Variants in CELSR1 observed in about 807,000 individuals in gnomAD.
CELSR1 encodes adhesion G protein-coupled receptor C1.
Under a neutral mutation model 249.1 loss-of-function variants are expected in CELSR1, and 110 were observed. The observed-to-expected ratio is 0.44, with a 90% CI of 0.38 to 0.52. CELSR1 has a LOEUF of 0.52. Ranked by LOEUF, CELSR1 falls within the 20% of genes least tolerant of loss-of-function variation. The pLI is 0.00. For missense variants in CELSR1, 4,109 were observed against 4,296.4 expected, an observed-to-expected ratio of 0.96 and a Z score of 1.22; for synonymous variants, 2,113 against 1,900.0, an observed-to-expected ratio of 1.11 and a Z score of -2.92.
In CELSR1 at chr22:46,535,697, C is replaced by A. The variant is rs752147314; in HGVS notation, c.1474G>T (p.Ala492Ser). ...QATDRDQGQN[A>S]AIHYSILSGN... is the part of the protein sequence containing the mutation. ...CTGAGGATGCTGTAGTGAATGGCCG[C>A]GTTCTGGCCCTGGTCCCGGTCCGTG... is the stretch of plus-strand genomic sequence containing the variant. Residue 492 changes from alanine to serine, a missense_variant, in exon 1 of 35, where the codon GCG becomes TCG. Ala to Ser is a moderately conservative substitution (Grantham distance 99). This residue lies in a region of CELSR1 where 135 missense variants were observed against 190.0 expected (regional missense o/e 0.71). Coordinates refer to ENST00000674500, the MANE Select transcript of CELSR1 (RefSeq NM_001378328.1). The A allele has an allele frequency of 1.2e-6, 2 of 1,612,878 alleles. No individual in the cohort carries two copies. The highest frequency in any genetic ancestry group is 1.7e-5 in the Admixed American group (1 of 60,002).
rs1301985475 is a variant in CELSR1, at chr22:46,365,692, A to G, written c.8301-3T>C. ...CGAGCTTCTGGATCCCTTCATCCCTAGAGAGGCCAGGGAGGGTGGGCTCAG... is the reference window on the plus strand; with the variant it reads ...CGAGCTTCTGGATCCCTTCATCCCTGGAGAGGCCAGGGAGGGTGGGCTCAG... On this transcript the variant is annotated splice_polypyrimidine_tract_variant and splice_region_variant and intron_variant, in intron 30 of 34. Transcript: ENST00000674500. The G allele has an allele frequency of 6.4e-7, 1 of 1,567,112 alleles. No homozygotes were observed. Among genetic ancestry groups the G allele is most frequent in the Non-Finnish European group, 8.7e-7 (1 of 1,155,448 alleles).
intron 1 of CELSR1, 79 bp downstream of exon 1, chr22:46,533,548 G>A: frequency 6.7e-7 from 1 of 1,494,240 alleles, no homozygotes; most frequent in Non-Finnish European, 8.9e-7. Flanking sequence ...CGGCATGCCA[G>A]GCGGAGCCCT....
At chr22:46,394,393 T>A in intron 13 of CELSR1, 131 bp from the exon 14 acceptor site, 1 of 1,063,346 alleles carries the variant, frequency 9.4e-7, no homozygotes, top group Non-Finnish European at 1.3e-6. Context: ...GAGCTTCCCC[T>A]TCCACGTTAC....
chr22:46,434,109 A>T lies in CELSR1; in HGVS notation c.4523-628T>A, dbSNP rs1569159571. 6.6e-6 allele frequency among the ~76,000 whole-genome samples: 1 copy of T among 152,244 alleles called. No homozygotes were observed. Among genetic ancestry groups the T allele is most frequent in the Non-Finnish European group, 1.5e-5 (1 of 68,036 alleles). On this transcript the variant is annotated intron_variant, in intron 4 of 34. Transcript: ENST00000674500. The surrounding 1 kb of genome is among the most constrained non-coding windows in gnomAD (Gnocchi z 4.9). ...CCTATGCATTGCATCAACGTAGACA[A>T]AATCATCAAAACCAATTCCACTTTA...
In CELSR1 at chr22:46,373,042, C is replaced by T; in HGVS notation, c.7600G>A (p.Val2534Ile). 1 of 1,608,130 alleles carries T rather than the reference C, an allele frequency of 6.2e-7. No individual in the cohort carries two copies. The highest frequency in any genetic ancestry group is 1.1e-5 in the South Asian group (1 of 90,314). Reference sequence around the variant, plus strand: ...TAGATGTAGTGGAGGAGGATGGCAACCACTGTGCACAGAAACTGCGCAGGG... The same window carrying T: ...TAGATGTAGTGGAGGAGGATGGCAATCACTGTGCACAGAAACTGCGCAGGG... ...QTENPFLCTV[V>I]AILLHYIYMS... Residue 2534 changes from valine (V) to isoleucine (I), a missense_variant, in exon 25 of 35, where the codon GTT becomes ATT. Coordinates refer to ENST00000674500, the MANE Select transcript of CELSR1 (RefSeq NM_001378328.1).
intron 30 of CELSR1, 30 bp from the exon 31 acceptor site, chr22:46,365,719 A>G (rs777620430): frequency 1.8e-5 from 27 of 1,522,002 alleles, no homozygotes; most frequent in Non-Finnish European, 2.3e-5. Context: ...TGGGCTCAGT[A>G]TCATCCGTCA....
At position 46,396,149 on chromosome 22, in the gene CELSR1, G is replaced by A. The variant is rs1287686970; in HGVS notation, c.5843+456C>T. On this transcript the variant is annotated intron_variant, in intron 13 of 34. Transcript: ENST00000674500. The surrounding 1 kb of genome is among the most constrained non-coding windows in gnomAD (Gnocchi z 6.4). Reference sequence around the variant, plus strand: ...TGCCCAAGCGTGGTGGCTCACACCCGTAATCCCAGCACTTTGGGAGGCTGA... The same window carrying A: ...TGCCCAAGCGTGGTGGCTCACACCCATAATCCCAGCACTTTGGGAGGCTGA... 1.3e-5 allele frequency among the ~76,000 whole-genome samples: 2 copies of A among 152,148 alleles called. No homozygotes were observed. The highest frequency in any genetic ancestry group is 2.4e-5 in the African/African-American group (1 of 41,426).
intron 2 of CELSR1, among the ~76,000 whole-genome samples, chr22:46,460,205 A>ACACACC (rs1555922649): frequency 7.4e-6 from 1 of 134,478 alleles, no homozygotes; most frequent in Non-Finnish European, 1.6e-5. Context: ...ACACACACAC[A>ACACACC]CACACACACA....
At position 46,441,638 on chromosome 22, in the gene CELSR1, G is replaced by A. The variant is rs1183679100; in HGVS notation, c.4184-2227C>T. Reference sequence around the variant, plus strand: ...GTGCCTTCTTGCCGCATAAGGGAGAGGGCTGTGGTCTCTTCCTCTCCTTAC... The same window carrying A: ...GTGCCTTCTTGCCGCATAAGGGAGAAGGCTGTGGTCTCTTCCTCTCCTTAC... On this transcript the variant is annotated intron_variant, in intron 2 of 34. Transcript: ENST00000674500. The surrounding 1 kb of genome is among the most constrained non-coding windows in gnomAD (Gnocchi z 6.1). Among the ~76,000 whole-genome samples the A allele has an allele frequency of 6.6e-6, 1 of 152,078 alleles. No individual in the cohort carries two copies. The highest frequency in any genetic ancestry group is 1.5e-5 in the Non-Finnish European group (1 of 68,024).
rs546588507 is a variant in CELSR1, at chr22:46,506,917, C to A, written c.3544+26710G>T. On this transcript the variant is annotated intron_variant, in intron 1 of 34. Transcript: ENST00000674500. The surrounding 1 kb of genome is among the most constrained non-coding windows in gnomAD (Gnocchi z 4.1). The stretch of plus-strand genomic sequence containing the variant: ...CCAACACATAAAAACCGATTCCAGG[C>A]GGGGCGTGGTGGCTCACGTTTGTAA... 1.3e-5 allele frequency among the ~76,000 whole-genome samples: 2 copies of A among 152,140 alleles called. No homozygotes were observed. Among genetic ancestry groups the A allele is most frequent in the African/African-American group, 2.4e-5 (1 of 41,432 alleles).
intron 2 of CELSR1, among the ~76,000 whole-genome samples, chr22:46,449,898 T>C (rs1191544112): frequency 6.6e-6 from 1 of 152,064 alleles, no homozygotes; most frequent in Non-Finnish European, 1.5e-5. Flanking sequence ...CCTGAGAAAG[T>C]ACCTCCAGCC....
rs1465081436 is a variant in CELSR1, at chr22:46,433,361, G to A, written c.4611+32C>T. Reference sequence around the variant, plus strand: ...CAGGGCACCTTCTCGAGCCGCCCTGGGGCCAGGGGGAAGTGGTGGGGCCCA... The same window carrying A: ...CAGGGCACCTTCTCGAGCCGCCCTGAGGCCAGGGGGAAGTGGTGGGGCCCA... On this transcript the variant is annotated intron_variant, in intron 5 of 34. Coordinates refer to ENST00000674500, the MANE Select transcript of CELSR1 (RefSeq NM_001378328.1). The surrounding 1 kb of genome is among the most constrained non-coding windows in gnomAD (Gnocchi z 5.7). The A allele has an allele frequency of 6.3e-7, 1 of 1,588,082 alleles. No homozygotes were observed. The highest frequency in any genetic ancestry group is 1.1e-5 in the South Asian group (1 of 90,018).
Position 46,366,981 on chromosome 22 carries a change from G to T in CELSR1, c.8205+12C>A. ...CAGCCCCCAGTCCCGCGGTGTCCCC[G>T]GCGCCTCCTACCGTCAGCAGGGTGG... On this transcript the variant is annotated intron_variant, in intron 29 of 34. Transcript: ENST00000674500. 4 of 1,599,334 alleles carry T rather than the reference G, an allele frequency of 2.5e-6. No homozygotes were observed. Among genetic ancestry groups the T allele is most frequent in the Non-Finnish European group, 2.6e-6 (3 of 1,174,166 alleles).
intron 1 of CELSR1, among the ~76,000 whole-genome samples, chr22:46,466,984 G>A (rs1403955556): frequency 6.6e-6 from 1 of 152,196 alleles, no homozygotes; most frequent in East Asian, 1.9e-4. Flanking sequence ...AAGCCTCCAG[G>A]AACCTGGCCG....
intron 24 of CELSR1, among the ~76,000 whole-genome samples, chr22:46,376,168 A>C (rs940886357): frequency 6.6e-6 from 1 of 152,244 alleles, no homozygotes; most frequent in African/African-American, 2.4e-5. Context: ...AATGAGCATA[A>C]CATTTATCAA....
intron 25 of CELSR1, chr22:46,370,354 C>T (rs1482773804): frequency 1.2e-5 from 4 of 334,326 alleles, no homozygotes; most frequent in Admixed American, 4.0e-5. Context: ...ACACACATAC[C>T]GTGTGCAGAC....
At position 46,396,898 on chromosome 22, in the gene CELSR1, A is replaced by C. The variant is rs1436425491; in HGVS notation, c.5702-152T>G. The C allele has an allele frequency of 6.4e-6, 7 of 1,092,524 alleles. No homozygotes were observed. Among genetic ancestry groups the C allele is most frequent in the African/African-American group, 1.6e-5 (1 of 63,204 alleles). The allele number at this position is 1,092,524 out of a possible 1,614,324, so 67.7% of individuals were successfully genotyped here. A position where few individuals can be genotyped will look rare whatever the true frequency, so the allele number is the denominator to read the frequency against. On this transcript the variant is annotated intron_variant, in intron 12 of 34. Transcript: ENST00000674500. The surrounding 1 kb of genome is among the most constrained non-coding windows in gnomAD (Gnocchi z 6.4). The stretch of plus-strand genomic sequence containing the variant: ...AGAGTGCCACAGAGTCCCCGAAAAC[A>C]CAGCGTTAGGCGGGTTAGACTTAGT...
At chr22:46,366,363 C>T (rs141907986) in intron 30 of CELSR1, 23 bp downstream of exon 30, 35,483 of 1,523,464 alleles carry the variant, frequency 0.023, 513 homozygotes, top group Non-Finnish European at 0.027. Flanking sequence ...GCCACCTCCC[C>T]GAACCCGGAG....
At position 46,534,198 on chromosome 22, in the gene CELSR1, G is replaced by A. The variant is rs527737637; in HGVS notation, c.2973C>T (p.Asp991=). The part of the protein sequence containing the change: ...ASVEIQVTIL[D]INDNAPMFEK... ...CAAACATGGGGGCATTGTCATTAAT[G>A]TCCAAGATGGTCACCTGGATTTCTA... The change falls in exon 1 of 35, where the codon GAC becomes GAT. Residue 991 remains aspartate, a synonymous_variant. Transcript: ENST00000674500. This position sits in a 1 kb window ranked among gnomAD's most constrained non-coding sequence, Gnocchi z 9.7. The A allele has an allele frequency of 5.0e-6, 8 of 1,613,888 alleles. No homozygotes were observed. The highest frequency in any genetic ancestry group is 2.2e-5 in the East Asian group (1 of 44,880).
Sources: gnomAD v4.1 joint callset for allele counts (sites outside exome capture counted in the v4.1 genomes callset) on GRCh38, gnomAD v4.1.1 for gene constraint, gnomAD v4.1.1 regional missense constraint, Gnocchi (gnomAD v3.1) non-coding constraint, MANE v1.5 for transcripts, NCBI Gene and HGNC (gene_info 2026-07-23, HGNC 2026-07-21) for gene names.